BRCA2: variants seen among roughly 807,000 people sequenced by gnomAD.
BRCA2 encodes breast cancer type 2 susceptibility protein.
A neutral mutation model predicts 276.7 loss-of-function variants in BRCA2; 203 were observed. The ratio of observed to expected loss-of-function variants is 0.73; its 90% confidence interval spans 0.65 to 0.82. BRCA2 has a LOEUF of 0.82. BRCA2 is among the 40% of genes least tolerant of loss of function. The pLI is 0.00. For missense variants in BRCA2, 3,920 were observed against 3,915.0 expected (o/e 1.00, Z -0.03); for synonymous variants, 1,289 against 1,338.4 (o/e 0.96, Z 0.81).
intron 21 of BRCA2, among the ~76,000 whole-genome samples, chr13:32,377,487 G>A (rs537501084): frequency 8.8e-4 from 133 of 151,770 alleles, no homozygotes; most frequent in African/African-American, 3.1e-3. Flanking sequence ...CTGTTCGGGA[G>A]GCTCAGGCAG....
chr13:32,370,894 G>C (rs2137599346), intron 19 of BRCA2, 62 bp from the exon 20 acceptor site: 2 of 1,601,820 alleles, frequency 1.2e-6, no homozygotes, highest in South Asian at 2.2e-5. Flanking sequence ...TGCCTGGCCT[G>C]ATACAATTAA....
At chr13:32,366,327 G>A (rs2072781834) in intron 18 of BRCA2, among the ~76,000 whole-genome samples, 1 of 152,250 alleles carries the variant, frequency 6.6e-6, no homozygotes, top group Admixed American at 6.5e-5. Context: ...CTATTCTGAA[G>A]TTATAGTGGA....
chr13:32,340,785 G>A lies in BRCA2; in HGVS notation c.6430G>A (p.Glu2144Lys), dbSNP rs755967190. 1.9e-6 allele frequency: 3 copies of A among 1,594,492 alleles called. No homozygotes were observed. Among genetic ancestry groups the A allele is most frequent in the Non-Finnish European group, 2.6e-6 (3 of 1,174,380 alleles). ...CTTAAATGTTGAAGGTGGTTCTTCAGAAAATAATCACTCTATTAAAGTTTC... is the reference window on the plus strand; with the variant it reads ...CTTAAATGTTGAAGGTGGTTCTTCAAAAAATAATCACTCTATTAAAGTTTC... ...NNLNVEGGSS[E>K]NNHSIKVSPY... Residue 2144 changes from glutamate to lysine, a missense_variant, in exon 11 of 27, where the codon GAA becomes AAA. Physicochemically the swap from Glu to Lys is moderately conservative, Grantham distance 56. Transcript: ENST00000380152.
At chr13:32,317,592 TG>T (rs1234896281) in intron 2 of BRCA2, among the ~76,000 whole-genome samples, 1 of 152,262 alleles carries the variant, frequency 6.6e-6, no homozygotes, top group African/African-American at 2.4e-5. Context: ...AAGATAGTGG[TG>T]TTCTGAATTA....
chr13:32,367,869 C>T (rs968082241), intron 18 of BRCA2, among the ~76,000 whole-genome samples: 2 of 151,790 alleles, frequency 1.3e-5, no homozygotes, highest in African/African-American at 4.8e-5. Flanking sequence ...CTTATATGAT[C>T]TATATTTTGG....
chr13:32,349,999 T>C (rs925963496), intron 13 of BRCA2, among the ~76,000 whole-genome samples: 2 of 152,088 alleles, frequency 1.3e-5, no homozygotes, highest in African/African-American at 4.8e-5. Context: ...TATATGCATA[T>C]TGAATGTTGG....
chr13:32,337,637 G>A lies in BRCA2; in HGVS notation c.3282G>A (p.Lys1094=), dbSNP rs1593899103. The part of the protein sequence containing the change: ...SHITPQMLFS[K]QDFNSNHNLT... The stretch of plus-strand genomic sequence containing the variant: ...TAACCCCTCAGATGTTATTTTCCAA[G>A]CAGGATTTTAATTCAAACCATAATT... Residue 1094 remains lysine (K), a synonymous_variant, in exon 11 of 27, where the codon AAG becomes AAA. Coordinates refer to ENST00000380152, the MANE Select transcript of BRCA2 (RefSeq NM_000059.4). 6.3e-7 allele frequency: 1 copy of A among 1,586,856 alleles called. No homozygotes were observed. The highest frequency in any genetic ancestry group is 8.6e-7 in the Non-Finnish European group (1 of 1,168,262).
intron 20 of BRCA2, among the ~76,000 whole-genome samples, chr13:32,372,853 C>T (rs2072843795): frequency 6.6e-6 from 1 of 152,256 alleles, no homozygotes; most frequent in East Asian, 1.9e-4. Context: ...CCTGTAAAAT[C>T]AAAAGCAAAT....
At chr13:32,341,555 T>G (rs1343966338) in intron 11 of BRCA2, among the ~76,000 whole-genome samples, 1 of 152,228 alleles carries the variant, frequency 6.6e-6, no homozygotes, top group Non-Finnish European at 1.5e-5. Flanking sequence ...TGCATAATAC[T>G]AACTTAACTG....
chr13:32,333,023 T>G lies in BRCA2; in HGVS notation c.1545T>G (p.Thr515=), dbSNP rs786202158. 1 of 1,595,944 alleles carries G rather than the reference T, an allele frequency of 6.3e-7. No individual in the cohort carries two copies. Among genetic ancestry groups the G allele is most frequent in the Non-Finnish European group, 8.5e-7 (1 of 1,175,342 alleles). ...GAATAAGAGAATCACCTAAAGAGAC[T>G]TTCAATGCAAGTTTTTCAGGTCATA... The part of the protein sequence containing the change: ...IFRIRESPKE[T]FNASFSGHMT... The change falls in exon 10 of 27, where the codon ACT becomes ACG. Residue 515 remains threonine (T), a synonymous_variant. Transcript: ENST00000380152.
At chr13:32,386,424 G>C (rs1366924926) in intron 24 of BRCA2, among the ~76,000 whole-genome samples, 10 of 152,044 alleles carry the variant, frequency 6.6e-5, no homozygotes, top group South Asian at 2.1e-4. Flanking sequence ...AAGAAAAAAT[G>C]ATAATCATCT....
chr13:32,316,964 G>A (rs1295534678), intron 2 of BRCA2, among the ~76,000 whole-genome samples: 1 of 152,186 alleles, frequency 6.6e-6, no homozygotes, highest in African/African-American at 2.4e-5. Context: ...TTGGGAGGCC[G>A]AGGTGGGCGG....
rs276174800 is a variant in BRCA2 at position 32,316,413 on chromosome 13, GT to G, written c.-39-5del. 14 of 1,553,982 alleles carry G rather than the reference GT, an allele frequency of 9.0e-6. No homozygotes were observed. The highest frequency in any genetic ancestry group is 1.2e-5 in the Non-Finnish European group (14 of 1,126,356). On this transcript the variant is annotated splice_polypyrimidine_tract_variant and splice_region_variant and intron_variant, in intron 1 of 26. Coordinates refer to ENST00000380152, the MANE Select transcript of BRCA2 (RefSeq NM_000059.4). ...CTGTGTAAGTGCATTTTGGTCTTCT[GT>G]TTTGCAGACTTATTTACCAAGCATT...
chr13:32,400,048 A>C lies in BRCA2; in HGVS notation c.*1278A>C, dbSNP rs1403321784. 2.6e-5 allele frequency: 4 copies of C among 152,144 alleles called. No individual in the cohort carries two copies. Among genetic ancestry groups the C allele is most frequent in the African/African-American group, 9.7e-5 (4 of 41,424 alleles). 9.4% of individuals were successfully genotyped at this position (152,144 alleles called of 1,614,324 possible). On this transcript the variant is annotated 3_prime_UTR_variant, in exon 27 of 27. Coordinates refer to ENST00000380152, the MANE Select transcript of BRCA2 (RefSeq NM_000059.4). ...TGATCCATCTGCCTCAGCCTCCCAAAGTGCTGGGATTATAGGCGTGAGCCA... is the reference window on the plus strand; with the variant it reads ...TGATCCATCTGCCTCAGCCTCCCAACGTGCTGGGATTATAGGCGTGAGCCA...
rs80358429 is a variant in BRCA2 at position 32,332,892 on chromosome 13, C to T, written c.1414C>T (p.Gln472Ter). 6.2e-7 allele frequency: 1 copy of T among 1,611,010 alleles called. No individual in the cohort carries two copies. Among genetic ancestry groups the T allele is most frequent in the Non-Finnish European group, 8.5e-7 (1 of 1,179,310 alleles). ...ETVVNKRDEE[Q>*]HLESHTDCIL... Reference sequence around the variant, plus strand: ...AGTGGTAAATAAGAGAGATGAAGAGCAGCATCTTGAATCTCATACAGACTG... The same window carrying T: ...AGTGGTAAATAAGAGAGATGAAGAGTAGCATCTTGAATCTCATACAGACTG... The change falls in exon 10 of 27, where the codon CAG (glutamine) becomes TAG (stop). Residue 472 changes from glutamine to a stop codon, truncating the protein, a stop_gained. Coordinates refer to ENST00000380152, the MANE Select transcript of BRCA2 (RefSeq NM_000059.4). LOFTEE classifies it high-confidence loss of function.
In BRCA2 at chr13:32,338,449, G is replaced by A. The variant is rs80358657; in HGVS notation, c.4094G>A (p.Cys1365Tyr). ...CTATTTACTGATCAGCACAACATATGTCTTAAATTATCTGGCCAGTTTATG... is the reference window on the plus strand; with the variant it reads ...CTATTTACTGATCAGCACAACATATATCTTAAATTATCTGGCCAGTTTATG... ...DLLFTDQHNI[C>Y]LKLSGQFMKE... is the part of the protein sequence containing the mutation. Residue 1365 changes from cysteine to tyrosine, a missense_variant, in exon 11 of 27, where the codon TGT becomes TAT. Physicochemically the swap from Cys to Tyr is radical, Grantham distance 194. Transcript: ENST00000380152. 113 of 1,611,722 alleles carry A rather than the reference G, an allele frequency of 7.0e-5. No individual in the cohort carries two copies. The highest frequency in any genetic ancestry group is 8.4e-5 in the Non-Finnish European group (99 of 1,179,348).
rs759389988 is a variant in BRCA2, at chr13:32,336,748, T to G, written c.2393T>G (p.Leu798Arg). 1 of 1,613,708 alleles carries G rather than the reference T, an allele frequency of 6.2e-7. No individual in the cohort carries two copies. The highest frequency in any genetic ancestry group is 1.1e-5 in the South Asian group (1 of 90,996). Residue 798 changes from leucine (L) to arginine (R), a missense_variant, in exon 11 of 27, where the codon CTC (leucine) becomes CGC (arginine). Leu to Arg is a moderately radical substitution (Grantham distance 102, BLOSUM62 -2). Around this residue, in one of 2 missense-constraint regions of BRCA2, gnomAD observed 3,263 missense variants for 3,156.9 expected, o/e 1.03. Coordinates refer to ENST00000380152, the MANE Select transcript of BRCA2 (RefSeq NM_000059.4). ...GAATCATACAAAATGTCAGACAAGC[T>G]CAAAGGTAACAATTATGAATCTGAT... ...GKESYKMSDK[L>R]KGNNYESDVE...
intron 7 of BRCA2, among the ~76,000 whole-genome samples, chr13:32,328,394 AC>A (rs1488338158): frequency 1.3e-5 from 2 of 151,882 alleles, no homozygotes; most frequent in Non-Finnish European, 2.9e-5. Context: ...GGCACCCACC[AC>A]CACGCCTGAC....
chr13:32,345,606 A>G (rs1279616195), intron 12 of BRCA2, among the ~76,000 whole-genome samples: 1 of 152,062 alleles, frequency 6.6e-6, no homozygotes, highest in East Asian at 1.9e-4. Flanking sequence ...CCTATCTGAA[A>G]TGCTTGGGAC....
Sources: allele counts gnomAD v4.1 joint callset (sites outside exome capture counted in the v4.1 genomes callset), GRCh38; gene constraint gnomAD v4.1.1; regional missense constraint gnomAD v4.1.1; transcripts MANE v1.5; gene names NCBI Gene and HGNC (gene_info 2026-07-23, HGNC 2026-07-21).